DSCAM: variants seen among roughly 807,000 people sequenced by gnomAD.
DSCAM encodes the protein DS cell adhesion molecule, also known as cell adhesion molecule DSCAM.
DSCAM carries 47 observed loss-of-function variants against 217.7 expected under a neutral mutation model. The observed-to-expected ratio is 0.22, with a 90% CI of 0.17 to 0.28. The LOEUF is 0.28. Ranked by LOEUF, DSCAM falls within the 10% of genes least tolerant of loss-of-function variation. The pLI, the probability that DSCAM is intolerant of heterozygous loss-of-function variation, is 1.00. For synonymous variants in DSCAM, 1,056 were observed against 1,015.3 expected (o/e 1.04, Z -0.76); for missense variants, 2,080 against 2,618.3 (o/e 0.79, Z 4.49).
intron 1 of DSCAM, among the ~76,000 whole-genome samples, chr21:40,804,869 T>C (rs1207439805): frequency 1.3e-5 from 2 of 152,174 alleles, no homozygotes; most frequent in African/African-American, 4.8e-5. Flanking sequence ...TTCCCGCTGC[T>C]ACATTGTACC....
At chr21:40,124,420 G>T (rs2090072106) in intron 19 of DSCAM, 92 bp from the exon 20 acceptor site, 1 of 1,524,540 alleles carries the variant, frequency 6.6e-7, no homozygotes, top group Non-Finnish European at 8.9e-7. Context: ...CGCACTTACT[G>T]TTCAGCTCTT....
intron 10 of DSCAM, among the ~76,000 whole-genome samples, chr21:40,294,378 G>T (rs557775993): frequency 3.3e-5 from 5 of 152,288 alleles, no homozygotes; most frequent in Admixed American, 6.5e-5. Flanking sequence ...ATTAAAATGA[G>T]AGGGCATTTT....
At position 40,187,203 on chromosome 21, in the gene DSCAM, G is replaced by C; in HGVS notation, c.2707C>G (p.Leu903Val). 6.2e-7 allele frequency: 1 copy of C among 1,614,162 alleles called. No homozygotes were observed. Among genetic ancestry groups the C allele is most frequent in the Non-Finnish European group, 8.5e-7 (1 of 1,180,002 alleles). ...IKDVKARTIT[L>V]RWTMGFDGNS... ...CCATCAAACCCCATGGTCCACCTGA[G>C]CGTAATTGTGCGTGCTTTGACATCT... Residue 903 changes from leucine to valine, a missense_variant, in exon 14 of 33, where the codon CTC (leucine) becomes GTC (valine). Physicochemically the swap from Leu to Val is conservative, Grantham distance 32 (BLOSUM62 1). Coordinates refer to ENST00000400454, the MANE Select transcript of DSCAM (RefSeq NM_001389.5).
chr21:40,597,746 A>C (rs916032421), intron 3 of DSCAM, among the ~76,000 whole-genome samples: 8 of 152,086 alleles, frequency 5.3e-5, no homozygotes, highest in Non-Finnish European at 1.2e-4. Context: ...TCCTGACCTC[A>C]GGTGATCCAT....
At chr21:40,615,950 T>C (rs2146287169) in intron 3 of DSCAM, among the ~76,000 whole-genome samples, 1 of 152,076 alleles carries the variant, frequency 6.6e-6, no homozygotes, top group South Asian at 2.1e-4. Context: ...TCAAGAAAGC[T>C]CCCTTTCTGA....
chr21:40,376,579 CTA>C (rs1221111513), intron 3 of DSCAM, among the ~76,000 whole-genome samples: 3 of 69,280 alleles, frequency 4.3e-5, no homozygotes, highest in Non-Finnish European at 9.5e-5. Context: ...ATATCGATAT[CTA>C]TATATCTTAT....
rs149484368 is a variant in DSCAM at position 40,537,354 on chromosome 21, C to T, written c.508+155456G>A. 4.5e-3 allele frequency among the ~76,000 whole-genome samples: 685 copies of T among 152,258 alleles called. 10 individuals are homozygous for T. The highest frequency in any genetic ancestry group is 0.015 in the African/African-American group (635 of 41,546). On this transcript the variant is annotated intron_variant, in intron 3 of 32. Transcript: ENST00000400454. The stretch of plus-strand genomic sequence containing the variant: ...AGATCGGTGCTGCCTTCTCCTCTTG[C>T]AAACATGTCCACAAATGGACAGCAC...
intron 3 of DSCAM, among the ~76,000 whole-genome samples, chr21:40,686,837 A>G (rs372943054): frequency 9.2e-5 from 14 of 152,304 alleles, no homozygotes; most frequent in African/African-American, 2.6e-4. Flanking sequence ...CCAGCTTTTA[A>G]TTACTTTCAG....
intron 1 of DSCAM, among the ~76,000 whole-genome samples, chr21:40,835,232 C>A (rs1041024730): frequency 2.6e-5 from 4 of 152,216 alleles, no homozygotes; most frequent in Admixed American, 1.3e-4. Context: ...AATATTTATG[C>A]CCTTTCCGTG....
At chr21:40,407,178 T>C (rs1465701015) in intron 3 of DSCAM, among the ~76,000 whole-genome samples, 1 of 152,240 alleles carries the variant, frequency 6.6e-6, no homozygotes, top group Admixed American at 6.5e-5. Context: ...GTAATATATA[T>C]TTTAATTAGC....
In DSCAM at chr21:40,359,195, T is replaced by C. The variant is rs561866104; in HGVS notation, c.656-5452A>G. Among the ~76,000 whole-genome samples, 27 of 152,328 alleles carry C rather than the reference T, an allele frequency of 1.8e-4. 1 individual carries two copies. In the South Asian group the frequency reaches 5.0e-3, roughly 28 times the overall value. The stretch of plus-strand genomic sequence containing the variant: ...GTGGAAGGTAATATATACTTACATA[T>C]GCACACATATACATCTCACGTAAAA... On this transcript the variant is annotated intron_variant, in intron 4 of 32. Transcript: ENST00000400454.
intron 3 of DSCAM, among the ~76,000 whole-genome samples, chr21:40,520,555 T>C (rs1387340137): frequency 6.6e-6 from 1 of 152,120 alleles, no homozygotes; most frequent in African/African-American, 2.4e-5. Flanking sequence ...ACACCTGTAA[T>C]CCCAGCACTT....
intron 3 of DSCAM, among the ~76,000 whole-genome samples, chr21:40,574,248 T>A (rs1175714685): frequency 1.3e-5 from 2 of 152,180 alleles, no homozygotes; most frequent in Non-Finnish European, 2.9e-5. Flanking sequence ...AGCAATTGGA[T>A]GCTATAAACT....
intron 3 of DSCAM, among the ~76,000 whole-genome samples, chr21:40,396,109 T>C (rs1021561102): frequency 5.3e-5 from 8 of 152,230 alleles, no homozygotes; most frequent in African/African-American, 1.2e-4. Flanking sequence ...AGATGACATT[T>C]ACCATTTTAT....
intron 3 of DSCAM, among the ~76,000 whole-genome samples, chr21:40,453,041 T>C (rs2075733192): frequency 4.4e-4 from 1 of 2,290 alleles, no homozygotes; most frequent in Admixed American, 4.0e-3. Context: ...TTAAAGACTT[T>C]GTGTGTGTGT....
intron 2 of DSCAM, among the ~76,000 whole-genome samples, chr21:40,698,835 A>C (rs1427330745): frequency 7.0e-6 from 1 of 142,098 alleles, no homozygotes; most frequent in East Asian, 2.1e-4. Flanking sequence ...GCGCCAATGC[A>C]CTCCAGCCTG....
chr21:40,746,635 C>T (rs893217356), intron 1 of DSCAM, among the ~76,000 whole-genome samples: 1 of 151,740 alleles, frequency 6.6e-6, no homozygotes, highest in Non-Finnish European at 1.5e-5. Context: ...AACTTTAATA[C>T]CCCTACTTTC....
At chr21:40,334,000 C>G (rs1044304474) in intron 8 of DSCAM, among the ~76,000 whole-genome samples, 1 of 152,162 alleles carries the variant, frequency 6.6e-6, no homozygotes, top group Non-Finnish European at 1.5e-5. Flanking sequence ...AATAGGTAAA[C>G]TTACATTTCA....
intron 1 of DSCAM, among the ~76,000 whole-genome samples, chr21:40,790,005 T>C (rs566026517): frequency 4.8e-4 from 73 of 152,140 alleles, no homozygotes; most frequent in African/African-American, 1.7e-3. Flanking sequence ...CGGAAATAGG[T>C]CTTGTTTGTA....
Sources: gnomAD v4.1 joint callset for allele counts (sites outside exome capture counted in the v4.1 genomes callset) on GRCh38, gnomAD v4.1.1 for gene constraint, MANE v1.5 for transcripts, NCBI Gene and HGNC (gene_info 2026-07-23, HGNC 2026-07-21) for gene names.